BICRA: variants seen among roughly 807,000 people sequenced by gnomAD.
The protein encoded by BICRA is BRD4 interacting chromatin remodeling complex associated protein, also known as BRD4-interacting chromatin-remodeling complex-associated protein.
A neutral mutation model predicts 96.9 loss-of-function variants in BICRA; 31 were observed. The ratio of observed to expected loss-of-function variants is 0.32; its 90% CI spans 0.24 to 0.43. The LOEUF (loss-of-function observed/expected upper bound fraction) is 0.43. Ranked by LOEUF, BICRA falls within the 20% of genes least tolerant of loss-of-function variation. The pLI is 1.00. For missense variants in BICRA, 2,283 were observed against 2,190.3 expected, an observed-to-expected ratio of 1.04 and a Z score of -0.84; for synonymous variants, 1,350 against 1,071.8, an observed-to-expected ratio of 1.26 and a Z score of -5.07.
At chr19:47,653,038 T>TC (rs1280608892) in intron 1 of BICRA, among the ~76,000 whole-genome samples, 6 of 146,966 alleles carry the variant, frequency 4.1e-5, no homozygotes, top group African/African-American at 7.8e-5. Context: ...TTTTTTTTTT[T>TC]CCGAGACAGG....
intron 1 of BICRA, among the ~76,000 whole-genome samples, chr19:47,631,943 C>G (rs1972227953): frequency 6.6e-6 from 1 of 152,238 alleles, no homozygotes; most frequent in Admixed American, 6.5e-5. Flanking sequence ...GCTACTGCGC[C>G]CGGCCTTTCC....
intron 1 of BICRA, among the ~76,000 whole-genome samples, chr19:47,646,882 A>C (rs1972467690): frequency 6.6e-6 from 1 of 152,166 alleles, no homozygotes; most frequent in Admixed American, 6.6e-5. Flanking sequence ...AACCATCACC[A>C]TAATCTATTA....
At chr19:47,656,701 A>C (rs116651860) in intron 1 of BICRA, among the ~76,000 whole-genome samples, 2,369 of 152,242 alleles carry the variant, frequency 0.016, 62 homozygotes, top group African/African-American at 0.054. Flanking sequence ...TCTGACAAAT[A>C]TTACCTGTGT....
chr19:47,695,090 A>G lies in BICRA; in HGVS notation c.3076+10A>G. 1.3e-6 allele frequency: 2 copies of G among 1,485,120 alleles called. No homozygotes were observed. The highest frequency in any genetic ancestry group is 1.8e-6 in the Non-Finnish European group (2 of 1,124,264). The allele number at this position is 1,485,120 out of a possible 1,614,324, so 92.0% of individuals were successfully genotyped here. On this transcript the variant is annotated intron_variant, in intron 9 of 14. Transcript: ENST00000594866. The stretch of plus-strand genomic sequence containing the variant: ...CCCATGGCCGCCACAGGTAGGAGAG[A>G]GGTCGCCTATGTGCCCAGGGAGACG...
intron 1 of BICRA, among the ~76,000 whole-genome samples, chr19:47,639,746 A>C (rs1972357130): frequency 6.7e-6 from 1 of 150,164 alleles, no homozygotes; most frequent in Admixed American, 6.7e-5. Flanking sequence ...GGCTCAAGGA[A>C]TCCTCCTGCC....
rs199790810 is a variant in BICRA at position 47,694,436 on chromosome 19, C to T, written c.2605C>T (p.Pro869Ser). The T allele has an allele frequency of 2.7e-4, 298 of 1,113,914 alleles. 1 individual carries two copies. The African/African-American group carries it at 3.9e-3, about 14-fold the overall frequency. The allele number at this position is 1,113,914 out of a possible 1,614,324, so 69.0% of individuals were successfully genotyped here. ...GCCTCTCCGCCCCCAGTCCCAGCCG[C>T]CTGAGGGACCGCTGCCCCCAGCCCC... ...QPPLRPQSQPPEGPLPPAPHL... is the reference protein window; with the variant it reads ...QPPLRPQSQPSEGPLPPAPHL... Residue 869 changes from proline to serine, a missense_variant, in exon 8 of 15, where the codon CCT (proline) becomes TCT (serine). By Grantham distance (74) the Pro-to-Ser change is moderately conservative (BLOSUM62 -1). Transcript: ENST00000594866.
intron 1 of BICRA, among the ~76,000 whole-genome samples, chr19:47,653,257 A>G (rs1313342557): frequency 6.6e-6 from 1 of 151,660 alleles, no homozygotes; most frequent in African/African-American, 2.4e-5. Flanking sequence ...TCCTGACCTC[A>G]AGTGATCCGC....
chr19:47,610,633 C>G (rs1971891838), intron 1 of BICRA, among the ~76,000 whole-genome samples: 2 of 150,658 alleles, frequency 1.3e-5, no homozygotes, highest in South Asian at 2.1e-4. Context: ...ACACACCTAC[C>G]TACCCACCCC....
At chr19:47,690,457 A>G (rs531626035) in intron 7 of BICRA, among the ~76,000 whole-genome samples, 2 of 152,096 alleles carry the variant, frequency 1.3e-5, no homozygotes, top group East Asian at 3.9e-4. Context: ...TGAGACCCCT[A>G]AGGGCAGTAT....
intron 5 of BICRA, among the ~76,000 whole-genome samples, chr19:47,676,871 A>T (rs1972950268): frequency 6.6e-6 from 1 of 151,844 alleles, no homozygotes; most frequent in South Asian, 2.1e-4. Context: ...ATACCCTAAG[A>T]TCCCCATTCA....
At chr19:47,608,970 C>T (rs1356972961), upstream of BICRA, among the ~76,000 whole-genome samples, 114 of 144,718 alleles carry the variant, frequency 7.9e-4, 1 homozygote, top group African/African-American at 2.7e-3. Flanking sequence ...GGGCGCTCCC[C>T]GGAACGGGCG....
In BICRA at chr19:47,702,590, G is replaced by C. The variant is rs531798735; in HGVS notation, c.*175G>C. ...GCCGCCTGCTTCAGCTGGGTTGCTGGGGGGTGGGCGTGGATTTAGGGAGGG... is the reference window on the plus strand; with the variant it reads ...GCCGCCTGCTTCAGCTGGGTTGCTGCGGGGTGGGCGTGGATTTAGGGAGGG... On this transcript the variant is annotated 3_prime_UTR_variant, in exon 15 of 15. Coordinates refer to ENST00000594866, the MANE Select transcript of BICRA (RefSeq NM_001394372.1). 4.6e-3 allele frequency: 3,374 copies of C among 733,224 alleles called. 18 individuals are homozygous for C. Among genetic ancestry groups the C allele is most frequent in the Non-Finnish European group, 5.8e-3 (2,818 of 489,076 alleles). 45.4% of individuals were successfully genotyped at this position (733,224 alleles called of 1,614,324 possible).
intron 1 of BICRA, among the ~76,000 whole-genome samples, chr19:47,641,679 A>G (rs550398921): frequency 2.6e-5 from 4 of 152,284 alleles, no homozygotes; most frequent in Admixed American, 2.0e-4. Flanking sequence ...TATTCAGGGC[A>G]GGGTCTTTTG....
Position 47,694,538 on chromosome 19 carries a change from C to T in BICRA, c.2707C>T (p.Pro903Ser). ...ETSSRLPAPTPSDFQLQFPPS... is the reference protein window; with the variant it reads ...ETSSRLPAPTSSDFQLQFPPS... ...GTCCTCCAGGTTGCCAGCCCCTACG[C>T]CATCCGACTTCCAGCTCCAGTTCCC... The change falls in exon 8 of 15, where the codon CCA becomes TCA. Residue 903 changes from proline (P) to serine (S), a missense_variant. Coordinates refer to ENST00000594866, the MANE Select transcript of BICRA (RefSeq NM_001394372.1). 2 of 1,610,640 alleles carry T rather than the reference C, an allele frequency of 1.2e-6. No individual in the cohort carries two copies. Among genetic ancestry groups the T allele is most frequent in the Non-Finnish European group, 1.7e-6 (2 of 1,178,894 alleles).
At chr19:47,672,628 G>A (rs1972884489) in intron 2 of BICRA, among the ~76,000 whole-genome samples, 1 of 151,882 alleles carries the variant, frequency 6.6e-6, no homozygotes, top group Admixed American at 6.6e-5. Context: ...ATGTTTTGGA[G>A]GGTTGGAGGA....
At chr19:47,656,284 G>A (rs963044224) in intron 1 of BICRA, among the ~76,000 whole-genome samples, 1 of 152,092 alleles carries the variant, frequency 6.6e-6, no homozygotes, top group African/African-American at 2.4e-5. Context: ...GCTGTGACGT[G>A]CCTTTCAGAG....
chr19:47,619,912 C>G (rs762004637), intron 1 of BICRA, among the ~76,000 whole-genome samples: 9 of 152,150 alleles, frequency 5.9e-5, no homozygotes, highest in Non-Finnish European at 1.3e-4. Flanking sequence ...AGATACAGCA[C>G]ATTCTCGTCA....
intron 7 of BICRA, among the ~76,000 whole-genome samples, chr19:47,685,776 T>TGCGCGC (rs1206232742): frequency 2.3e-5 from 3 of 133,188 alleles, no homozygotes; most frequent in Admixed American, 1.5e-4. Flanking sequence ...TGTGTGTGTG[T>TGCGCGC]GTGTGTGTGT....
intron 1 of BICRA, among the ~76,000 whole-genome samples, chr19:47,645,363 A>G (rs1972444363): frequency 6.6e-6 from 1 of 152,212 alleles, no homozygotes; most frequent in Non-Finnish European, 1.5e-5. Flanking sequence ...TGGAATTTCC[A>G]GAGCCTGTGT....
Sources: allele counts gnomAD v4.1 joint callset (sites outside exome capture counted in the v4.1 genomes callset), GRCh38; gene constraint gnomAD v4.1.1; transcripts MANE v1.5; gene names NCBI Gene and HGNC (gene_info 2026-07-23, HGNC 2026-07-21).